Variants in CCDC169 observed in about 807,000 individuals in gnomAD.
The protein encoded by CCDC169 is coiled-coil domain-containing protein 169.
A neutral mutation model predicts 36.0 loss-of-function variants in CCDC169; 30 were observed. That is an observed-to-expected ratio of 0.83 (90% CI 0.62 to 1.13). CCDC169 has a LOEUF of 1.13. CCDC169 is among the 50% of genes most tolerant of loss of function. The pLI is 0.00. For synonymous variants in CCDC169, 85 were observed against 81.5 expected, an observed-to-expected ratio of 1.04 and a Z score of -0.23; for missense variants, 245 against 245.9, an observed-to-expected ratio of 1.00 and a Z score of 0.03.
chr13:36,236,232 G>C (rs575484493), intron 7 of CCDC169, among the ~76,000 whole-genome samples: 66 of 152,048 alleles, frequency 4.3e-4, no homozygotes, highest in African/African-American at 1.6e-3. Flanking sequence ...TGGAGTACTC[G>C]CACTTCTTGA....
At chr13:36,296,581 C>T (rs1594102136) in intron 1 of CCDC169, among the ~76,000 whole-genome samples, 1 of 152,288 alleles carries the variant, frequency 6.6e-6, no homozygotes, top group East Asian at 1.9e-4. Flanking sequence ...CTATTTAGGG[C>T]ATCAGTAAAT....
chr13:36,267,656 A>T (rs1374252750), intron 4 of CCDC169, among the ~76,000 whole-genome samples: 1 of 152,348 alleles, frequency 6.6e-6, no homozygotes, highest in East Asian at 1.9e-4. Context: ...CTTAAAAAAT[A>T]CAGAATGAAT....
intron 4 of CCDC169, among the ~76,000 whole-genome samples, chr13:36,269,924 G>A (rs539654920): frequency 4.1e-4 from 59 of 145,552 alleles, no homozygotes; most frequent in African/African-American, 1.4e-3. Flanking sequence ...GTCCTAGCCA[G>A]AGCATTCGGG....
intron 4 of CCDC169, among the ~76,000 whole-genome samples, chr13:36,268,457 A>C (rs1277049556): frequency 6.6e-6 from 1 of 152,204 alleles, no homozygotes; most frequent in Non-Finnish European, 1.5e-5. Context: ...CAAAACCTCT[A>C]GTATACAGCA....
intron 4 of CCDC169, among the ~76,000 whole-genome samples, chr13:36,257,767 T>C (rs1874102310): frequency 6.6e-6 from 1 of 151,736 alleles, no homozygotes; most frequent in South Asian, 2.1e-4. Flanking sequence ...AAAGGGACTA[T>C]GTTTTCTTCA....
At chr13:36,286,740 A>C (rs1192365490) in intron 2 of CCDC169, among the ~76,000 whole-genome samples, 1 of 152,024 alleles carries the variant, frequency 6.6e-6, no homozygotes, top group East Asian at 1.9e-4. Flanking sequence ...GTTTACCTTG[A>C]CTGGTGACTT....
intron 4 of CCDC169, 131 bp from the exon 5 acceptor site, chr13:36,254,274 A>AAT (rs745490666): frequency 0.022 from 9,235 of 413,790 alleles, 150 homozygotes; most frequent in Middle Eastern, 0.036. Context: ...TATGATATGT[A>AAT]CTTTTTTTTT....
chr13:36,285,583 TA>T (rs1453388034), intron 2 of CCDC169, among the ~76,000 whole-genome samples: 8 of 25,658 alleles, frequency 3.1e-4, no homozygotes, highest in Non-Finnish European at 4.1e-4. Context: ...AAAAATAAAA[TA>T]AGATAGATAG....
intron 4 of CCDC169, among the ~76,000 whole-genome samples, chr13:36,274,116 A>G (rs78944089): frequency 0.013 from 1,941 of 152,310 alleles, 42 homozygotes; most frequent in African/African-American, 0.044. Flanking sequence ...AAATTATACT[A>G]TAACTCAGGA....
intron 4 of CCDC169, chr13:36,281,361 A>T (rs1877516326): frequency 2.5e-6 from 1 of 399,576 alleles, no homozygotes; most frequent in Admixed American, 3.4e-5. Context: ...ACATCATGCT[A>T]AAATAAAATT....
chr13:36,241,382 G>GTTGC (rs138214485), intron 7 of CCDC169, among the ~76,000 whole-genome samples: 36 of 151,676 alleles, frequency 2.4e-4, no homozygotes, highest in African/African-American at 8.0e-4. Flanking sequence ...ATGCCATCAT[G>GTTGC]TCACAATTAT....
intron 7 of CCDC169, among the ~76,000 whole-genome samples, chr13:36,231,910 T>C (rs1249597642): frequency 6.6e-6 from 1 of 152,200 alleles, no homozygotes; most frequent in Non-Finnish European, 1.5e-5. Flanking sequence ...ATATGTAACA[T>C]GTAAGAACTT....
chr13:36,239,375 A>G (rs1871481849), intron 7 of CCDC169, among the ~76,000 whole-genome samples: 1 of 152,192 alleles, frequency 6.6e-6, no homozygotes, highest in Admixed American at 6.5e-5. Context: ...GGTGTCAGTC[A>G]TGGTCAACAC....
At chr13:36,229,272 T>C (rs1870162641), downstream of CCDC169, among the ~76,000 whole-genome samples, 1 of 152,018 alleles carries the variant, frequency 6.6e-6, no homozygotes, top group South Asian at 2.1e-4. Context: ...GATCTTGGAG[T>C]CCCTCATTTC....
intron 7 of CCDC169, among the ~76,000 whole-genome samples, chr13:36,233,396 A>G (rs1200597880): frequency 1.3e-5 from 2 of 152,154 alleles, no homozygotes; most frequent in African/African-American, 4.8e-5. Context: ...TTTTCAAAAC[A>G]AAATTACAAT....
At chr13:36,223,684 T>C (rs1869725280), downstream of CCDC169, 1 of 152,152 alleles carries the variant, frequency 6.6e-6, no homozygotes, top group Non-Finnish European at 1.5e-5. Context: ...CCAGCACTGT[T>C]GTTACAGTTT....
In CCDC169 at chr13:36,297,776, A is replaced by G. The variant is rs1879721258; in HGVS notation, c.-57T>C. ...CCCTCAGCACCTTAGAGCACAAGAC[A>G]TTAAGGGCCACCCAGAAGCCAGTAC... On this transcript the variant is annotated 5_prime_UTR_variant, in exon 1 of 8. An upstream start codon of the reference 5' UTR is lost. Transcript: ENST00000239859. 1 of 1,479,368 alleles carries G rather than the reference A, an allele frequency of 6.8e-7. No homozygotes were observed. The allele number at this position is 1,479,368 out of a possible 1,614,324, so 91.6% of individuals were successfully genotyped here.
At chr13:36,242,644 T>C (rs1451882055) in intron 7 of CCDC169, among the ~76,000 whole-genome samples, 2 of 152,256 alleles carry the variant, frequency 1.3e-5, no homozygotes, top group East Asian at 3.9e-4. Flanking sequence ...CATAAATTCA[T>C]TCAAAAATTA....
At chr13:36,266,466 C>T (rs1243835142) in intron 4 of CCDC169, among the ~76,000 whole-genome samples, 1 of 151,864 alleles carries the variant, frequency 6.6e-6, no homozygotes, top group Non-Finnish European at 1.5e-5. Flanking sequence ...TTTCAGGATC[C>T]CTGGTCATCC....
Sources: allele counts gnomAD v4.1 joint callset (sites outside exome capture counted in the v4.1 genomes callset), GRCh38; gene constraint gnomAD v4.1.1; transcripts MANE v1.5; gene names NCBI Gene and HGNC (gene_info 2026-07-23, HGNC 2026-07-21).